FAF1: variants seen among roughly 807,000 people sequenced by gnomAD.
FAF1 encodes FAS-associated factor 1.
A neutral mutation model predicts 92.5 loss-of-function variants in FAF1; 25 were observed. The ratio of observed to expected loss-of-function variants is 0.27; its 90% CI spans 0.20 to 0.38. The LOEUF is 0.38. FAF1 is among the 10% of genes least tolerant of loss of function. The pLI is 1.00. For synonymous variants in FAF1, 234 were observed against 273.2 expected, an observed-to-expected ratio of 0.86 and a Z score of 1.42; for missense variants, 636 against 793.3, an observed-to-expected ratio of 0.80 and a Z score of 2.38.
chr1:50,771,855 C>T (rs1419446064), intron 4 of FAF1, among the ~76,000 whole-genome samples: 2 of 152,160 alleles, frequency 1.3e-5, no homozygotes, highest in African/African-American at 2.4e-5. Context: ...GAGCCAAGAT[C>T]GTGCCATTGC....
intron 1 of FAF1, among the ~76,000 whole-genome samples, chr1:50,889,361 T>C (rs151016728): frequency 0.063 from 9,530 of 152,292 alleles, 419 homozygotes; most frequent in Non-Finnish European, 0.098. Context: ...TGTCTCTATC[T>C]CCTTCAGTTC....
chr1:50,479,397 G>A (rs930406015), intron 17 of FAF1, among the ~76,000 whole-genome samples: 2 of 152,136 alleles, frequency 1.3e-5, no homozygotes, highest in East Asian at 1.9e-4. Flanking sequence ...CCATCTTGGC[G>A]CTGTCCCTGA....
chr1:50,444,615 TCTTTA>T (rs1646207287), intron 18 of FAF1, among the ~76,000 whole-genome samples: 1 of 152,186 alleles, frequency 6.6e-6, no homozygotes, highest in Admixed American at 6.5e-5. Flanking sequence ...CTCTCTCTGT[TCTTTA>T]TTTTCTTGTT....
At chr1:50,793,381 G>A (rs1331877534) in intron 3 of FAF1, among the ~76,000 whole-genome samples, 3 of 152,134 alleles carry the variant, frequency 2.0e-5, no homozygotes, top group African/African-American at 7.2e-5. Flanking sequence ...CTAAAATGAT[G>A]CTAATTACTG....
intron 13 of FAF1, among the ~76,000 whole-genome samples, chr1:50,547,038 G>A (rs56214447): frequency 1.1e-3 from 161 of 151,814 alleles, no homozygotes; most frequent in Admixed American, 2.9e-3. Context: ...ACAGGTAAGC[G>A]CCACCATGCC....
chr1:50,746,243 C>A (rs1279629831), intron 4 of FAF1, among the ~76,000 whole-genome samples: 2 of 84,686 alleles, frequency 2.4e-5, no homozygotes, highest in Non-Finnish European at 4.1e-5. Flanking sequence ...TGACCTGAAA[C>A]GAACATATAT....
intron 13 of FAF1, among the ~76,000 whole-genome samples, chr1:50,542,759 C>G (rs1410594197): frequency 1.3e-5 from 2 of 152,174 alleles, no homozygotes; most frequent in African/African-American, 4.8e-5. Flanking sequence ...AATTGAACAG[C>G]CTGCCCATCA....
intron 2 of FAF1, among the ~76,000 whole-genome samples, chr1:50,843,843 T>C (rs544003327): frequency 4.6e-5 from 7 of 152,148 alleles, no homozygotes; most frequent in Non-Finnish European, 8.8e-5. Flanking sequence ...GCAATAAGCA[T>C]AGGGGTGCAG....
In FAF1 at chr1:50,714,727, T is replaced by G. The variant is rs111229488; in HGVS notation, c.552-8836A>C. ...GGCTTGGGTTAACAGCTATGGACCC[T>G]TGGAAGATGAATCAAATCCTTCTCC... On this transcript the variant is annotated intron_variant, in intron 6 of 18. Coordinates refer to ENST00000396153, the MANE Select transcript of FAF1 (RefSeq NM_007051.3). Among the ~76,000 whole-genome samples, 462 of 152,310 alleles carry G rather than the reference T, an allele frequency of 3.0e-3. 4 individuals carry two copies. Among genetic ancestry groups the G allele is most frequent in the African/African-American group, 0.01 (436 of 41,570 alleles).
intron 18 of FAF1, among the ~76,000 whole-genome samples, chr1:50,461,855 CTT>C (rs1278182100): frequency 7.0e-6 from 1 of 142,422 alleles, no homozygotes; most frequent in Non-Finnish European, 1.5e-5. Context: ...GACAAAGATT[CTT>C]TGTCTTCTTG....
intron 1 of FAF1, among the ~76,000 whole-genome samples, chr1:50,942,722 G>A (rs752954835): frequency 1.3e-5 from 2 of 151,742 alleles, no homozygotes; most frequent in African/African-American, 4.8e-5. Context: ...TCACAATAAC[G>A]GCAGCCAGAG....
intron 1 of FAF1, among the ~76,000 whole-genome samples, chr1:50,892,795 T>C (rs1644730204): frequency 2.0e-5 from 3 of 152,216 alleles, no homozygotes; most frequent in African/African-American, 7.2e-5. Context: ...CTCTACCTCC[T>C]CTTTAAGACC....
chr1:50,650,284 CAAAAAAAAAAA>C (rs1213490969), intron 8 of FAF1, among the ~76,000 whole-genome samples: 2 of 84,254 alleles, frequency 2.4e-5, no homozygotes, highest in East Asian at 9.4e-4. Flanking sequence ...AACTCTGTCT[CAAAAAAAAAAA>C]AAAAAAAAAA....
At chr1:50,594,820 G>A (rs965744633) in intron 9 of FAF1, among the ~76,000 whole-genome samples, 5 of 148,304 alleles carry the variant, frequency 3.4e-5, no homozygotes, top group South Asian at 2.2e-4. Flanking sequence ...GCAGTGAGCC[G>A]AGATCGCTCC....
At chr1:50,725,888 G>C (rs1658628001) in intron 6 of FAF1, among the ~76,000 whole-genome samples, 1 of 152,172 alleles carries the variant, frequency 6.6e-6, no homozygotes, top group Admixed American at 6.5e-5. Flanking sequence ...TCACAACCCA[G>C]AGGCCACAGA....
intron 15 of FAF1, among the ~76,000 whole-genome samples, chr1:50,493,587 A>G (rs1440118031): frequency 2.6e-5 from 4 of 152,178 alleles, no homozygotes; most frequent in African/African-American, 4.8e-5. Flanking sequence ...TAATTATCAC[A>G]TAATTATTTA....
At chr1:50,928,509 C>T (rs1364802050) in intron 1 of FAF1, among the ~76,000 whole-genome samples, 2 of 152,076 alleles carry the variant, frequency 1.3e-5, no homozygotes, top group East Asian at 1.9e-4. Flanking sequence ...GGCGGCCAGG[C>T]GCAGTGGCTC....
At chr1:50,744,619 T>C in intron 5 of FAF1, 65 bp downstream of exon 5, 2 of 1,104,444 alleles carry the variant, frequency 1.8e-6, no homozygotes, top group Non-Finnish European at 2.7e-6. Context: ...AACCAATTTT[T>C]ACATATCATT....
Position 50,912,645 on chromosome 1 carries a change from C to T in FAF1, c.45+47122G>A, listed in dbSNP as rs1361454863. 6.6e-5 allele frequency among the ~76,000 whole-genome samples: 10 copies of T among 152,286 alleles called. No homozygotes were observed. The East Asian group carries it at 1.9e-3, about 29-fold the overall frequency. On this transcript the variant is annotated intron_variant, in intron 1 of 18. Transcript: ENST00000396153. ...GTGTGTACTCAGAAAAATCATGTCT[C>T]TCTACTGTTTCCCAAAAGAAGTTGC...
Sources: allele counts gnomAD v4.1 joint callset (sites outside exome capture counted in the v4.1 genomes callset), GRCh38; gene constraint gnomAD v4.1.1; transcripts MANE v1.5; gene names NCBI Gene and HGNC (gene_info 2026-07-23, HGNC 2026-07-21).